SCHIP1: variants seen among roughly 807,000 people sequenced by gnomAD.
SCHIP1 encodes schwannomin interacting protein 1.
SCHIP1 carries 8 observed loss-of-function variants against 29.7 expected under a neutral mutation model. The observed-to-expected ratio is 0.27, with a 90% CI of 0.16 to 0.49. The LOEUF is 0.49. Ranked by LOEUF, SCHIP1 falls within the 20% of genes least tolerant of loss-of-function variation. SCHIP1 has a pLI of 0.99. For synonymous variants in SCHIP1, 76 were observed against 94.9 expected (o/e 0.80, Z 1.16); for missense variants, 193 against 294.6 (o/e 0.66, Z 2.52).
At chr3:159,625,420 A>G in the SCHIP1 span, among the ~76,000 whole-genome samples, 1 of 152,212 alleles carries the variant, frequency 6.6e-6, no homozygotes, top group Non-Finnish European at 1.5e-5. Flanking sequence ...TATGGGGACC[A>G]GTTCGAATAG....
chr3:159,523,971 T>A, the SCHIP1 span, among the ~76,000 whole-genome samples: 1 of 152,214 alleles, frequency 6.6e-6, no homozygotes, highest in African/African-American at 2.4e-5. Flanking sequence ...ATTCTAGGCC[T>A]TGGTGATTAT....
chr3:159,385,343 A>G, the SCHIP1 span, among the ~76,000 whole-genome samples: 6 of 151,904 alleles, frequency 3.9e-5, no homozygotes, highest in Non-Finnish European at 7.4e-5. Flanking sequence ...AGATCAGTTG[A>G]GGCCAGGAGT....
At chr3:159,408,791 G>T in the SCHIP1 span, among the ~76,000 whole-genome samples, 1 of 152,048 alleles carries the variant, frequency 6.6e-6, no homozygotes, top group Non-Finnish European at 1.5e-5. Context: ...ATTCAATAAA[G>T]TCAGTATTAT....
the SCHIP1 span, among the ~76,000 whole-genome samples, chr3:159,541,245 C>T: frequency 6.6e-6 from 1 of 152,058 alleles, no homozygotes; most frequent in South Asian, 2.1e-4. Flanking sequence ...AGAGTATCAG[C>T]AAGCCCATTC....
chr3:159,304,675 T>A, the SCHIP1 span, among the ~76,000 whole-genome samples: 1 of 152,228 alleles, frequency 6.6e-6, no homozygotes, highest in Non-Finnish European at 1.5e-5. Flanking sequence ...CATTTACTTA[T>A]CTTGCTGGCA....
chr3:159,798,758 A>T, the SCHIP1 span, among the ~76,000 whole-genome samples: 1 of 152,100 alleles, frequency 6.6e-6, no homozygotes, highest in African/African-American at 2.4e-5. Context: ...ACTCTGTCTC[A>T]AAAAACAAAA....
the SCHIP1 span, among the ~76,000 whole-genome samples, chr3:159,665,158 A>G: frequency 1.2e-4 from 19 of 152,346 alleles, no homozygotes; most frequent in South Asian, 3.3e-3. Flanking sequence ...GATAATTTCA[A>G]TTTAGGACCA....
the SCHIP1 span, among the ~76,000 whole-genome samples, chr3:159,368,687 C>T: frequency 6.6e-6 from 1 of 151,964 alleles, no homozygotes; most frequent in Non-Finnish European, 1.5e-5. Context: ...GACATGCACA[C>T]TACATGTCTA....
the SCHIP1 span, among the ~76,000 whole-genome samples, chr3:159,648,967 A>G: frequency 1.3e-5 from 2 of 152,068 alleles, no homozygotes; most frequent in Non-Finnish European, 2.9e-5. Context: ...AACTAATCCT[A>G]CTTAACATAC....
the SCHIP1 span, among the ~76,000 whole-genome samples, chr3:159,791,722 T>C: frequency 6.6e-6 from 1 of 152,222 alleles, no homozygotes; most frequent in African/African-American, 2.4e-5. Flanking sequence ...GCTTTCCCTC[T>C]TCCTTGTTGG....
At chr3:159,418,480 A>C in the SCHIP1 span, among the ~76,000 whole-genome samples, 1 of 152,220 alleles carries the variant, frequency 6.6e-6, no homozygotes, top group African/African-American at 2.4e-5. Flanking sequence ...AGGACGAGAA[A>C]GGTTTCTAGC....
chr3:159,649,215 C>T, the SCHIP1 span, among the ~76,000 whole-genome samples: 1 of 152,148 alleles, frequency 6.6e-6, no homozygotes, highest in Non-Finnish European at 1.5e-5. Flanking sequence ...TGTGTGCGTT[C>T]ACTCAGCAAA....
chr3:159,880,030 A>T (rs149824406), intron 2 of SCHIP1, among the ~76,000 whole-genome samples: 1 of 152,226 alleles, frequency 6.6e-6, no homozygotes, highest in Admixed American at 6.5e-5. Context: ...GAAAGTATGC[A>T]TAAGATTAGG....
At chr3:159,782,588 GC>G in the SCHIP1 span, among the ~76,000 whole-genome samples, 1 of 151,736 alleles carries the variant, frequency 6.6e-6, no homozygotes, top group Non-Finnish European at 1.5e-5. Context: ...CTTTCTTTCT[GC>G]CTTGAATGTT....
chr3:159,761,551 G>A, the SCHIP1 span, among the ~76,000 whole-genome samples: 1 of 152,176 alleles, frequency 6.6e-6, no homozygotes, highest in Admixed American at 6.5e-5. Context: ...GCTGGGCCTA[G>A]GAGTTGGCAG....
At chr3:159,518,374 A>G in the SCHIP1 span, among the ~76,000 whole-genome samples, 1 of 152,134 alleles carries the variant, frequency 6.6e-6, no homozygotes, top group Non-Finnish European at 1.5e-5. Flanking sequence ...CTTACACTGG[A>G]TGGTGGCTAC....
chr3:159,308,270 C>A, the SCHIP1 span, among the ~76,000 whole-genome samples: 4 of 152,110 alleles, frequency 2.6e-5, no homozygotes, highest in African/African-American at 7.2e-5. Context: ...AAGATACTCA[C>A]AAACTATGCA....
At chr3:159,586,037 A>C in the SCHIP1 span, among the ~76,000 whole-genome samples, 1 of 152,096 alleles carries the variant, frequency 6.6e-6, no homozygotes, top group East Asian at 1.9e-4. Flanking sequence ...CTCTAAGATA[A>C]CTAAACAGTC....
At chr3:159,797,115 T>C in the SCHIP1 span, among the ~76,000 whole-genome samples, 2 of 152,236 alleles carry the variant, frequency 1.3e-5, no homozygotes, top group African/African-American at 4.8e-5. Flanking sequence ...TCTAGATTAA[T>C]AGGAGGCAAC....
Sources: gnomAD v4.1 joint callset for allele counts (sites outside exome capture counted in the v4.1 genomes callset) on GRCh38, gnomAD v4.1.1 for gene constraint, MANE v1.5 for transcripts, NCBI Gene and HGNC (gene_info 2026-07-23, HGNC 2026-07-21) for gene names.